THADA: variants seen among roughly 807,000 people sequenced by gnomAD.
The protein encoded by THADA is THADA armadillo repeat containing, also known as tRNA (32-2'-O)-methyltransferase regulator THADA.
THADA carries 213 observed loss-of-function variants against 219.8 expected under a neutral mutation model. The ratio of observed to expected loss-of-function variants is 0.97; its 90% CI spans 0.87 to 1.09. THADA has a LOEUF of 1.09. Ranked by LOEUF, THADA falls within the 50% of genes least tolerant of loss-of-function variation. The pLI, the probability that THADA is intolerant of heterozygous loss-of-function variation, is 0.00. For missense variants in THADA, 2,956 were observed against 2,311.3 expected (o/e 1.28, Z -5.72); for synonymous variants, 1,018 against 828.9 (o/e 1.23, Z -3.92).
intron 8 of THADA, among the ~76,000 whole-genome samples, chr2:43,581,403 C>T (rs1700425242): frequency 6.6e-6 from 1 of 151,894 alleles, no homozygotes; most frequent in South Asian, 2.1e-4. Flanking sequence ...TGGTGGTACC[C>T]TCCTATAATC....
intron 31 of THADA, among the ~76,000 whole-genome samples, chr2:43,300,464 G>A (rs909298252): frequency 6.6e-6 from 1 of 152,092 alleles, no homozygotes; most frequent in Non-Finnish European, 1.5e-5. Flanking sequence ...GAAAAGGTAG[G>A]TAAAGAGAAT....
intron 25 of THADA, among the ~76,000 whole-genome samples, chr2:43,487,637 G>A (rs1288973958): frequency 6.6e-6 from 1 of 152,156 alleles, no homozygotes; most frequent in African/African-American, 2.4e-5. Flanking sequence ...GTTAGGTGGT[G>A]GAGGCCCTTG....
chr2:43,293,863 T>G (rs72877344), intron 31 of THADA, among the ~76,000 whole-genome samples: 2,168 of 152,348 alleles, frequency 0.014, 39 homozygotes, highest in African/African-American at 0.046. Flanking sequence ...CCTGTGGACA[T>G]GCCTCACCCT....
rs182252379 is a variant in THADA, at chr2:43,415,628, A to G, written c.4058+12472T>C. Among the ~76,000 whole-genome samples, 223 of 152,284 alleles carry G rather than the reference A, an allele frequency of 1.5e-3. 7 individuals are homozygous for G. In the East Asian group the frequency reaches 0.034, roughly 23 times the overall value. ...AAGGTTGGGCCAGGGTGGGTGGCCA[A>G]TTACAAAATCTAGAGCCTGGGGCTT... On this transcript the variant is annotated intron_variant, in intron 28 of 37. Transcript: ENST00000405975.
At chr2:43,465,898 T>C (rs1684170554) in intron 26 of THADA, among the ~76,000 whole-genome samples, 1 of 152,146 alleles carries the variant, frequency 6.6e-6, no homozygotes, top group South Asian at 2.1e-4. Flanking sequence ...AGTCTGTTCC[T>C]CCTCCTAAAT....
At chr2:43,555,635 T>A (rs898609592) in intron 17 of THADA, among the ~76,000 whole-genome samples, 1 of 152,144 alleles carries the variant, frequency 6.6e-6, no homozygotes, top group Non-Finnish European at 1.5e-5. Flanking sequence ...CCTCTCTATC[T>A]CCAGATCTCT....
In THADA at chr2:43,478,112, T is replaced by C. The variant is rs528180761; in HGVS notation, c.3836+7122A>G. 7.9e-5 allele frequency among the ~76,000 whole-genome samples: 12 copies of C among 152,350 alleles called. No individual in the cohort carries two copies. In the South Asian group the frequency reaches 2.5e-3, roughly 32 times the overall value. The stretch of plus-strand genomic sequence containing the variant: ...TACCTCTCAATAAATGGTAAACTCC[T>C]TGAAATCTCAGACATGTTATAAACT... On this transcript the variant is annotated intron_variant, in intron 26 of 37. Transcript: ENST00000405975.
rs542536070 is a variant in THADA at position 43,295,595 on chromosome 2, A to G, written c.4439-2382T>C. ...ATCCTGGATTGGCTTACCAGACAGC[A>G]TTTAAGTGATACGCATTTATAGCTA... On this transcript the variant is annotated intron_variant, in intron 31 of 37. Transcript: ENST00000405975. Among the ~76,000 whole-genome samples the G allele has an allele frequency of 2.0e-5, 3 of 152,350 alleles. No homozygotes were observed. In the East Asian group the frequency reaches 5.8e-4, roughly 29 times the overall value.
intron 26 of THADA, among the ~76,000 whole-genome samples, chr2:43,459,234 C>A (rs554605339): frequency 1.3e-5 from 2 of 152,174 alleles, no homozygotes; most frequent in African/African-American, 4.8e-5. Flanking sequence ...GACTTTTGCA[C>A]GGGAGCAGTC....
chr2:43,454,529 G>C (rs906168907), intron 26 of THADA, among the ~76,000 whole-genome samples: 2 of 152,026 alleles, frequency 1.3e-5, no homozygotes, highest in African/African-American at 2.4e-5. Context: ...TTGAGCCCAA[G>C]AGGTCGAGGC....
At chr2:43,447,961 A>G (rs983277681) in intron 26 of THADA, among the ~76,000 whole-genome samples, 1 of 152,178 alleles carries the variant, frequency 6.6e-6, no homozygotes, top group Non-Finnish European at 1.5e-5. Flanking sequence ...ATTTGTCTCT[A>G]TGTTATCCGA....
rs768024770 is a variant in THADA at position 43,592,410 on chromosome 2, G to T, written c.-18C>A. 77 of 1,547,480 alleles carry T rather than the reference G, an allele frequency of 5.0e-5. No individual in the cohort carries two copies. The highest frequency in any genetic ancestry group is 6.6e-5 in the Non-Finnish European group (75 of 1,132,048). ...ACACCCATTTTAAATAGAATTAATA[G>T]TAGTCACTGCAAGAAAGAAGACTTT... is the stretch of plus-strand genomic sequence containing the variant. On this transcript the variant is annotated 5_prime_UTR_variant, in exon 2 of 38. Transcript: ENST00000405975.
chr2:43,593,518 C>T (rs1353411853), intron 1 of THADA, among the ~76,000 whole-genome samples: 1 of 151,908 alleles, frequency 6.6e-6, no homozygotes, highest in Admixed American at 6.6e-5. Context: ...GAGAACAGCT[C>T]AGTTAACCAA....
At chr2:43,546,708 G>A (rs1366596646) in intron 20 of THADA, among the ~76,000 whole-genome samples, 1 of 151,518 alleles carries the variant, frequency 6.6e-6, no homozygotes, top group African/African-American at 2.4e-5. Flanking sequence ...CCTTTTTTTG[G>A]TTTCCATTTG....
chr2:43,542,494 T>C (rs747463395), intron 20 of THADA, among the ~76,000 whole-genome samples: 18 of 152,206 alleles, frequency 1.2e-4, no homozygotes, highest in Non-Finnish European at 2.2e-4. Context: ...GAATATGTAA[T>C]ACATCACTAA....
At chr2:43,336,662 G>A (rs1041380774) in intron 30 of THADA, among the ~76,000 whole-genome samples, 4 of 152,040 alleles carry the variant, frequency 2.6e-5, no homozygotes, top group Admixed American at 1.3e-4. Context: ...ACTTCTGAGG[G>A]CCAGTGAGAT....
chr2:43,325,624 GGAGGAAGACA>G (rs1679233634), intron 30 of THADA, among the ~76,000 whole-genome samples: 1 of 152,010 alleles, frequency 6.6e-6, no homozygotes, highest in Non-Finnish European at 1.5e-5. Context: ...AAAGGAGCTA[GGAGGAAGACA>G]GAGGGAGAAA....
intron 7 of THADA, among the ~76,000 whole-genome samples, chr2:43,585,409 TTGGGAGACTGAGG>T (rs2104131735): frequency 6.6e-6 from 1 of 150,624 alleles, no homozygotes; most frequent in African/African-American, 2.4e-5. Flanking sequence ...TCCCAGCTAC[TTGGGAGACTGAGG>T]TGGGAGTATC....
At chr2:43,287,256 G>A (rs995172563) in intron 34 of THADA, among the ~76,000 whole-genome samples, 195 bp from the exon 35 acceptor site, 1 of 152,126 alleles carries the variant, frequency 6.6e-6, no homozygotes, top group African/African-American at 2.4e-5. Flanking sequence ...TTGTCTTTCG[G>A]TAAGATGGAG....
Sources: gnomAD v4.1 joint callset for allele counts (sites outside exome capture counted in the v4.1 genomes callset) on GRCh38, gnomAD v4.1.1 for gene constraint, MANE v1.5 for transcripts, NCBI Gene and HGNC (gene_info 2026-07-23, HGNC 2026-07-21) for gene names.